Variants in PSPC1 observed in about 807,000 individuals in gnomAD.
The protein encoded by PSPC1 is paraspeckle protein 1.
PSPC1 carries 14 observed loss-of-function variants against 51.6 expected under a neutral mutation model. The ratio of observed to expected loss-of-function variants is 0.27; its 90% confidence interval spans 0.18 to 0.42. The LOEUF is 0.42. PSPC1 is among the 10% of genes least tolerant of loss of function. The pLI, the probability that PSPC1 is intolerant of heterozygous loss-of-function variation, is 1.00. For missense variants in PSPC1, 406 were observed against 701.1 expected (o/e 0.58, Z 4.75); for synonymous variants, 193 against 231.9 (o/e 0.83, Z 1.53).
At chr13:19,681,503 C>T (rs1345766009) in intron 6 of PSPC1, among the ~76,000 whole-genome samples, 2 of 152,108 alleles carry the variant, frequency 1.3e-5, no homozygotes, top group East Asian at 3.9e-4. Flanking sequence ...CAAATTACAA[C>T]ATACGAATTG....
chr13:19,690,913 G>A (rs936718085), intron 6 of PSPC1, among the ~76,000 whole-genome samples: 3 of 152,254 alleles, frequency 2.0e-5, no homozygotes, highest in African/African-American at 7.2e-5. Flanking sequence ...GTGTAATGGA[G>A]TTGTCTAAGA....
In PSPC1 at chr13:19,745,064, T is replaced by C. The variant is rs182459546; in HGVS notation, c.968-3415A>G. ...AGGCTGCCTCGGCCTCCGAAAGTAATCCCAGCACTTTGGGAGGCTGAGGCG... is the reference window on the plus strand; with the variant it reads ...AGGCTGCCTCGGCCTCCGAAAGTAACCCCAGCACTTTGGGAGGCTGAGGCG... On this transcript the variant is annotated intron_variant, in intron 4 of 8. Coordinates refer to ENST00000338910, the MANE Select transcript of PSPC1 (RefSeq NM_001354909.2). Among the ~76,000 whole-genome samples the C allele has an allele frequency of 2.7e-3, 410 of 152,186 alleles. 2 individuals carry two copies. Among genetic ancestry groups the C allele is most frequent in the Non-Finnish European group, 4.6e-3 (315 of 67,994 alleles).
chr13:19,692,867 T>C (rs949282413), intron 6 of PSPC1, among the ~76,000 whole-genome samples: 2 of 152,184 alleles, frequency 1.3e-5, no homozygotes, highest in African/African-American at 4.8e-5. Flanking sequence ...AAAGATCCTT[T>C]CAAATTCAAT....
chr13:19,685,494 T>G (rs1877762999), intron 6 of PSPC1, among the ~76,000 whole-genome samples: 1 of 152,234 alleles, frequency 6.6e-6, no homozygotes, highest in South Asian at 2.1e-4. Flanking sequence ...AGCACCTCTA[T>G]GAGGGTATTC....
At chr13:19,682,486 C>CAAAAAAAAAAAA (rs138769031) in intron 6 of PSPC1, among the ~76,000 whole-genome samples, 3 of 98,618 alleles carry the variant, frequency 3.0e-5, no homozygotes, top group African/African-American at 7.8e-5. Flanking sequence ...GGCTGAATGG[C>CAAAAAAAAAAAA]AAAAAAAAAA....
chr13:19,673,917 C>T (rs552188234), downstream of PSPC1, among the ~76,000 whole-genome samples: 40 of 152,308 alleles, frequency 2.6e-4, no homozygotes, highest in South Asian at 6.6e-3. Context: ...TTCAAGTGTA[C>T]GCAGCACAGC....
At chr13:19,771,320 G>T (rs902385707) in intron 2 of PSPC1, among the ~76,000 whole-genome samples, 2 of 151,850 alleles carry the variant, frequency 1.3e-5, no homozygotes, top group Non-Finnish European at 2.9e-5. Context: ...CATATTTTTA[G>T]TAGAGACAGG....
chr13:19,782,535 C>T lies in PSPC1; in HGVS notation c.223G>A (p.Glu75Lys), dbSNP rs1445913477. The change falls in exon 1 of 9, where the codon GAG becomes AAG. Residue 75 changes from glutamate (E) to lysine (K), a missense_variant. Coordinates refer to ENST00000338910, the MANE Select transcript of PSPC1 (RefSeq NM_001354909.2). The surrounding 1 kb of genome is among the most constrained non-coding windows in gnomAD (Gnocchi z 4.5). ...IDIKSFLKPG[E>K]KTYTQRCRLF... The stretch of plus-strand genomic sequence containing the variant: ...CGGCAGCGCTGCGTGTACGTCTTCT[C>T]GCCCGGCTTGAGGAAACTCTTGATG... 1.2e-6 allele frequency: 2 copies of T among 1,613,238 alleles called. No individual in the cohort carries two copies. The highest frequency in any genetic ancestry group is 1.7e-5 in the Admixed American group (1 of 59,932).
At chr13:19,716,851 GAAC>G (rs1235849719) in intron 6 of PSPC1, among the ~76,000 whole-genome samples, 1 of 152,028 alleles carries the variant, frequency 6.6e-6, no homozygotes, top group Admixed American at 6.6e-5. Flanking sequence ...TTACATAACA[GAAC>G]AATAAGGTTA....
chr13:19,739,702 C>A (rs1358553173), intron 5 of PSPC1, among the ~76,000 whole-genome samples: 1 of 151,882 alleles, frequency 6.6e-6, no homozygotes, highest in East Asian at 1.9e-4. Context: ...AAGATCGCAC[C>A]ATTGCATTCA....
At chr13:19,751,098 C>T (rs9508872) in intron 4 of PSPC1, among the ~76,000 whole-genome samples, 173 bp downstream of exon 4, 136,937 of 150,730 alleles carry the variant, frequency 0.91, 63,574 homozygotes, top group Non-Finnish European at 1. Flanking sequence ...AAGTTGTGTT[C>T]TTTTTTTTAA....
intron 1 of PSPC1, among the ~76,000 whole-genome samples, chr13:19,776,567 C>T (rs1889146598): frequency 2.0e-5 from 3 of 151,710 alleles, no homozygotes; most frequent in African/African-American, 7.3e-5. Context: ...GGCTGGAGTG[C>T]AGCTGCGCAA....
intron 6 of PSPC1, among the ~76,000 whole-genome samples, chr13:19,712,462 T>C (rs1259907295): frequency 2.6e-5 from 4 of 152,238 alleles, no homozygotes; most frequent in African/African-American, 7.2e-5. Context: ...TCTAGAATAG[T>C]GCAAGCTTTA....
At chr13:19,715,294 T>C (rs1423884100) in intron 6 of PSPC1, among the ~76,000 whole-genome samples, 1 of 152,192 alleles carries the variant, frequency 6.6e-6, no homozygotes, top group Non-Finnish European at 1.5e-5. Flanking sequence ...CATGAAAATA[T>C]AGAACAGGAA....
chr13:19,753,283 CAAA>C (rs1184204944), intron 3 of PSPC1, among the ~76,000 whole-genome samples: 1 of 64,530 alleles, frequency 1.5e-5, no homozygotes, highest in Non-Finnish European at 3.2e-5. Flanking sequence ...GACTCCATCT[CAAA>C]AAAAAAAAAA....
rs1387976657 is a variant in PSPC1, at chr13:19,756,939, C to T, written c.770+2384G>A. ...GGTCAGGAAATCGAGACCATCCTGG[C>T]TAACACGGTGAAACCCCGTCTCTAC... On this transcript the variant is annotated intron_variant, in intron 3 of 8. Transcript: ENST00000338910. Among the ~76,000 whole-genome samples, 6 of 151,932 alleles carry T rather than the reference C, an allele frequency of 3.9e-5. No individual in the cohort carries two copies. The East Asian group carries it at 1.2e-3, about 30-fold the overall frequency.
chr13:19,742,260 C>CAAAA (rs36104148), intron 4 of PSPC1, among the ~76,000 whole-genome samples: 28 of 119,070 alleles, frequency 2.4e-4, no homozygotes, highest in South Asian at 1.1e-3. Context: ...GACTCAATCT[C>CAAAA]AAAAAAAAAA....
At chr13:19,675,174 A>G (rs1487571728) in intron 7 of PSPC1, 2 of 152,626 alleles carry the variant, frequency 1.3e-5, no homozygotes, top group East Asian at 3.9e-4. Flanking sequence ...ATGTTTCAGT[A>G]AGAACGATTT....
At chr13:19,694,313 A>G (rs886346857) in intron 6 of PSPC1, among the ~76,000 whole-genome samples, 1 of 152,024 alleles carries the variant, frequency 6.6e-6, no homozygotes, top group African/African-American at 2.4e-5. Flanking sequence ...AAATGTGACT[A>G]AATTATTCTT....
Sources: gnomAD v4.1 joint callset for allele counts (sites outside exome capture counted in the v4.1 genomes callset) on GRCh38, gnomAD v4.1.1 for gene constraint, Gnocchi (gnomAD v3.1) non-coding constraint, MANE v1.5 for transcripts, NCBI Gene and HGNC (gene_info 2026-07-23, HGNC 2026-07-21) for gene names.